The following PAPPA variants were observed in gnomAD, a reference collection of about 807,000 sequenced individuals.
The protein encoded by PAPPA is pappalysin-1.
A neutral mutation model predicts 164.0 loss-of-function variants in PAPPA; 60 were observed. That is an observed-to-expected ratio of 0.37 (90% CI 0.30 to 0.45). The LOEUF (loss-of-function observed/expected upper bound fraction) is 0.45, where lower values mean the gene tolerates loss of function less well. Among genes scored for constraint, PAPPA ranks in the 20% least tolerant of loss-of-function variants. The pLI is 1.00. For missense variants in PAPPA, 1,782 were observed against 2,087.3 expected (o/e 0.85, Z 2.85); for synonymous variants, 875 against 814.1 (o/e 1.07, Z -1.27).
chr9:116,282,306 G>GA (rs1199079821), intron 9 of PAPPA, among the ~76,000 whole-genome samples: 1 of 152,098 alleles, frequency 6.6e-6, no homozygotes, highest in Non-Finnish European at 1.5e-5. Flanking sequence ...ATAAGAACAA[G>GA]AAAAAATGTC....
rs779751490 is a variant in PAPPA, at chr9:116,188,070, C to T, written c.1332C>T (p.Arg444=). ...GHDGGDCRHL[R]HPAFVKKQHN... ...ACGGCGGGGATTGCCGCCACCTGCG[C>T]CACCCTGCCTTCGTGAAGAAGCAGC... Residue 444 remains arginine, a synonymous_variant, in exon 2 of 22, where the codon CGC becomes CGT. Coordinates refer to ENST00000328252, the MANE Select transcript of PAPPA (RefSeq NM_002581.5). 1 of 1,614,214 alleles carries T rather than the reference C, an allele frequency of 6.2e-7. No individual in the cohort carries two copies. The highest frequency in any genetic ancestry group is 1.1e-5 in the South Asian group (1 of 91,086).
At chr9:116,227,651 T>C in intron 6 of PAPPA, 99 bp downstream of exon 6, 1 of 1,242,972 alleles carries the variant, frequency 8.0e-7, no homozygotes, top group Non-Finnish European at 1.1e-6. Context: ...GTCTTTGCCA[T>C]GTATCATTTC....
chr9:116,197,923 G>C (rs1046143799), intron 2 of PAPPA, among the ~76,000 whole-genome samples: 1 of 152,198 alleles, frequency 6.6e-6, no homozygotes, highest in East Asian at 1.9e-4. Flanking sequence ...CTTCACATCA[G>C]TTATATGCCT....
intron 4 of PAPPA, among the ~76,000 whole-genome samples, chr9:116,212,406 C>A: frequency 6.6e-6 from 1 of 152,132 alleles, no homozygotes; most frequent in East Asian, 1.9e-4. Flanking sequence ...ATGCCCTGCA[C>A]TTCCCTTTAG....
At chr9:116,160,451 C>T (rs1843653080) in intron 1 of PAPPA, among the ~76,000 whole-genome samples, 1 of 152,214 alleles carries the variant, frequency 6.6e-6, no homozygotes, top group Admixed American at 6.5e-5. Flanking sequence ...GGAAGCTCAG[C>T]TCTAAGGCAT....
chr9:116,388,536 G>A (rs1325431766), intron 21 of PAPPA, among the ~76,000 whole-genome samples: 1 of 152,178 alleles, frequency 6.6e-6, no homozygotes, highest in East Asian at 1.9e-4. Context: ...ATAGATGTCT[G>A]GGGAGTTGGG....
intron 10 of PAPPA, among the ~76,000 whole-genome samples, chr9:116,326,657 A>C (rs1391993774): frequency 6.6e-6 from 1 of 152,198 alleles, no homozygotes; most frequent in African/African-American, 2.4e-5. Context: ...CACTATAGGA[A>C]TAATGTTTTA....
At chr9:116,216,696 A>T (rs1234596128) in intron 4 of PAPPA, among the ~76,000 whole-genome samples, 1 of 152,152 alleles carries the variant, frequency 6.6e-6, no homozygotes, top group Non-Finnish European at 1.5e-5. Context: ...ATAGCTGCTA[A>T]GTCTCCAAGT....
At position 116,367,792 on chromosome 9, in the gene PAPPA, G is replaced by C. The variant is rs566682337; in HGVS notation, c.4605+38G>C. On this transcript the variant is annotated intron_variant, in intron 19 of 21. Coordinates refer to ENST00000328252, the MANE Select transcript of PAPPA (RefSeq NM_002581.5). The stretch of plus-strand genomic sequence containing the variant: ...GGACATCTACCCACCTGCAGCTAAG[G>C]GGGAGGGAAATGATATTGTTGAGCA... 1.1e-5 allele frequency: 15 copies of C among 1,372,120 alleles called. No individual in the cohort carries two copies. The East Asian group carries it at 2.3e-4, about 21-fold the overall frequency. 85.0% of individuals were successfully genotyped at this position (1,372,120 alleles called of 1,614,324 possible).
At chr9:116,225,958 A>G (rs1844502421) in intron 5 of PAPPA, among the ~76,000 whole-genome samples, 1 of 152,154 alleles carries the variant, frequency 6.6e-6, no homozygotes. Context: ...TTAGATATTG[A>G]CTTTGTCCTC....
chr9:116,179,769 G>A (rs1281234430), intron 1 of PAPPA, among the ~76,000 whole-genome samples: 1 of 152,150 alleles, frequency 6.6e-6, no homozygotes, highest in Non-Finnish European at 1.5e-5. Context: ...TTTAATCACT[G>A]TCCTCTGGAC....
At position 116,302,894 on chromosome 9, in the gene PAPPA, C is replaced by T. The variant is rs764881805; in HGVS notation, c.3091C>T (p.His1031Tyr). Residue 1031 changes from histidine (H) to tyrosine (Y), a missense_variant, in exon 10 of 22, where the codon CAT (histidine) becomes TAT (tyrosine). Around this residue, in one of 2 missense-constraint regions of PAPPA, gnomAD observed 1,324 missense variants for 1,656.9 expected, o/e 0.80. Coordinates refer to ENST00000328252, the MANE Select transcript of PAPPA (RefSeq NM_002581.5). ...GTGGGCATCCAATGCTTCAGTATCT[C>T]ATCAAGACCAGCAATGCCCAGGCTG... ...DQWASNASVS[H>Y]QDQQCPGWVI... The T allele has an allele frequency of 2.5e-6, 4 of 1,614,090 alleles. No individual in the cohort carries two copies. Among genetic ancestry groups the T allele is most frequent in the Non-Finnish European group, 1.7e-6 (2 of 1,179,978 alleles).
chr9:116,246,512 A>G (rs894826184), intron 7 of PAPPA, among the ~76,000 whole-genome samples: 2 of 152,244 alleles, frequency 1.3e-5, no homozygotes, highest in African/African-American at 4.8e-5. Flanking sequence ...GTTTAAGGAC[A>G]TTAAGAAACT....
At chr9:116,277,267 C>T (rs2118836611) in intron 9 of PAPPA, among the ~76,000 whole-genome samples, 1 of 152,206 alleles carries the variant, frequency 6.6e-6, no homozygotes, top group East Asian at 1.9e-4. Flanking sequence ...GTAACTTTCC[C>T]CAGAACACGT....
At chr9:116,305,683 G>A (rs1332758045) in intron 10 of PAPPA, among the ~76,000 whole-genome samples, 2 of 152,114 alleles carry the variant, frequency 1.3e-5, no homozygotes, top group Non-Finnish European at 2.9e-5. Flanking sequence ...AGAAACTGAG[G>A]AACACAGTGG....
At chr9:116,232,249 C>G (rs927339332) in intron 6 of PAPPA, among the ~76,000 whole-genome samples, 4 of 152,154 alleles carry the variant, frequency 2.6e-5, no homozygotes, top group South Asian at 2.1e-4. Context: ...ACCATAGTAA[C>G]CTTAACTTAC....
rs117467369 is a variant in PAPPA at position 116,308,701 on chromosome 9, G to A, written c.3147+5751G>A. 7.1e-4 allele frequency among the ~76,000 whole-genome samples: 108 copies of A among 152,238 alleles called. 1 individual carries two copies. The East Asian group carries it at 0.017, about 23-fold the overall frequency. On this transcript the variant is annotated intron_variant, in intron 10 of 21. Coordinates refer to ENST00000328252, the MANE Select transcript of PAPPA (RefSeq NM_002581.5). Reference sequence around the variant, plus strand: ...ATGTGGTACGTATTTAAGGAACACCGGGAAAGTGGGCATTCCCTCTCTCTA... The same window carrying A: ...ATGTGGTACGTATTTAAGGAACACCAGGAAAGTGGGCATTCCCTCTCTCTA...
intron 21 of PAPPA, among the ~76,000 whole-genome samples, chr9:116,394,561 TG>T (rs1402470683): frequency 6.6e-6 from 1 of 152,202 alleles, no homozygotes; most frequent in Non-Finnish European, 1.5e-5. Context: ...CTGTTTGGAC[TG>T]GGGGGTTTTC....
At chr9:116,392,992 T>G (rs189345723) in intron 21 of PAPPA, among the ~76,000 whole-genome samples, 107 of 152,290 alleles carry the variant, frequency 7.0e-4, no homozygotes, top group African/African-American at 2.6e-3. Context: ...CTGATTGAGT[T>G]TCCTCCAGTG....
Sources: allele counts gnomAD v4.1 joint callset (sites outside exome capture counted in the v4.1 genomes callset), GRCh38; gene constraint gnomAD v4.1.1; regional missense constraint gnomAD v4.1.1; transcripts MANE v1.5; gene names NCBI Gene and HGNC (gene_info 2026-07-23, HGNC 2026-07-21).